Variants in CACNA1A observed in about 807,000 individuals in gnomAD.
CACNA1A encodes the protein voltage-dependent P/Q-type calcium channel subunit alpha-1A.
Under a neutral mutation model 262.4 loss-of-function variants are expected in CACNA1A, and 57 were observed. That is an observed-to-expected ratio of 0.22 (90% CI 0.18 to 0.27). The LOEUF (loss-of-function observed/expected upper bound fraction) is 0.27. Among genes scored for constraint, CACNA1A ranks in the 10% least tolerant of loss-of-function variants. CACNA1A has a pLI of 1.00. For missense variants in CACNA1A, 2,526 were observed against 3,562.8 expected (o/e 0.71, Z 7.41); for synonymous variants, 1,431 against 1,419.3 (o/e 1.01, Z -0.18).
intron 40 of CACNA1A, among the ~76,000 whole-genome samples, chr19:13,213,218 C>T (rs1002052831): frequency 2.6e-5 from 4 of 152,162 alleles, no homozygotes; most frequent in Admixed American, 6.6e-5. Flanking sequence ...TTTGCTGTTA[C>T]CCAAACAACC....
intron 24 of CACNA1A, among the ~76,000 whole-genome samples, chr19:13,266,979 T>C (rs756557023): frequency 2.0e-5 from 3 of 152,150 alleles, no homozygotes; most frequent in Non-Finnish European, 4.4e-5. Flanking sequence ...GGCGGAGGCA[T>C]TGGCAAGACC....
chr19:13,460,836 C>G (rs58955528), intron 1 of CACNA1A, among the ~76,000 whole-genome samples: 1 of 151,568 alleles, frequency 6.6e-6, no homozygotes, highest in African/African-American at 2.4e-5. Context: ...AAGGTCACAT[C>G]CATCAACCCC....
At chr19:13,288,303 G>A (rs2057454382) in intron 19 of CACNA1A, among the ~76,000 whole-genome samples, 1 of 151,530 alleles carries the variant, frequency 6.6e-6, no homozygotes, top group Non-Finnish European at 1.5e-5. Flanking sequence ...GCAGTGGCAG[G>A]ATCTTGGCTC....
At chr19:13,462,959 C>T (rs1475976570) in intron 1 of CACNA1A, among the ~76,000 whole-genome samples, 3 of 151,964 alleles carry the variant, frequency 2.0e-5, no homozygotes, top group South Asian at 4.2e-4. Context: ...GAGGGTCTCA[C>T]CATGTTGCCT....
At position 13,208,966 on chromosome 19, in the gene CACNA1A, C is replaced by G. The variant is rs1279441391; in HGVS notation, c.6570G>C (p.Leu2190=). ...DLSMTTQSGD[L]PSKERDQERG... Reference sequence around the variant, plus strand: ...GCTCCTGGTCCCGCTCCTTCGACGGCAGGTCCCCGGATTGGGTGGTCATGC... The same window carrying G: ...GCTCCTGGTCCCGCTCCTTCGACGGGAGGTCCCCGGATTGGGTGGTCATGC... Residue 2190 remains leucine (L), a synonymous_variant, in exon 46 of 47, where the codon CTG becomes CTC. Coordinates refer to ENST00000360228, the MANE Select transcript of CACNA1A (RefSeq NM_001127222.2). 1 of 1,537,552 alleles carries G rather than the reference C, an allele frequency of 6.5e-7. No homozygotes were observed. Among genetic ancestry groups the G allele is most frequent in the Admixed American group, 2.0e-5 (1 of 51,000 alleles).
In CACNA1A at chr19:13,310,481, A is replaced by T. The variant is rs1239439921; in HGVS notation, c.1669-1953T>A. 3.4e-3 allele frequency among the ~76,000 whole-genome samples: 110 copies of T among 32,348 alleles called. 2 individuals are homozygous for T. Among genetic ancestry groups the T allele is most frequent in the African/African-American group, 0.014 (96 of 6,762 alleles). 21.2% of individuals were successfully genotyped at this position (32,348 alleles called of 152,430 possible). A position where few individuals can be genotyped will look rare whatever the true frequency, so the allele number is the denominator to read the frequency against. The stretch of plus-strand genomic sequence containing the variant: ...AAAAAAAAAAAAAAAAAAAAAAAAA[A>T]AAAAAAAAATATATATATATATATA... On this transcript the variant is annotated intron_variant, in intron 12 of 46. Coordinates refer to ENST00000360228, the MANE Select transcript of CACNA1A (RefSeq NM_001127222.2).
intron 38 of CACNA1A, among the ~76,000 whole-genome samples, chr19:13,221,675 T>G (rs147804376): frequency 0.01 from 1,593 of 152,238 alleles, 32 homozygotes; most frequent in African/African-American, 0.036. Context: ...CTGGTCAAAG[T>G]GACCATGATG....
intron 1 of CACNA1A, among the ~76,000 whole-genome samples, chr19:13,461,016 G>A (rs1255538769): frequency 6.6e-6 from 1 of 152,052 alleles, no homozygotes; most frequent in Non-Finnish European, 1.5e-5. Flanking sequence ...GCCCAGGAGA[G>A]CATTCTCTAT....
In CACNA1A at chr19:13,322,166, C is replaced by T. The variant is rs148037325; in HGVS notation, c.1346-4845G>A. On this transcript the variant is annotated intron_variant, in intron 10 of 46. Coordinates refer to ENST00000360228, the MANE Select transcript of CACNA1A (RefSeq NM_001127222.2). The stretch of plus-strand genomic sequence containing the variant: ...GTAGTGAGCTGTGATCGTGCCATTG[C>T]ACTCCAGCCTGGGTGATGGAGTGAG... Among the ~76,000 whole-genome samples the T allele has an allele frequency of 3.1e-3, 443 of 144,176 alleles. 1 individual carries two copies. The highest frequency in any genetic ancestry group is 0.015 in the Middle Eastern group (4 of 268). The allele number at this position is 144,176 out of a possible 152,430, so 94.6% of individuals were successfully genotyped here.
chr19:13,415,258 G>A (rs2060200458), intron 3 of CACNA1A, among the ~76,000 whole-genome samples: 1 of 151,828 alleles, frequency 6.6e-6, no homozygotes, highest in Non-Finnish European at 1.5e-5. Flanking sequence ...AGGTGGTGCC[G>A]ACAAGGAAAC....
At chr19:13,449,006 G>A (rs983223588) in intron 3 of CACNA1A, among the ~76,000 whole-genome samples, 1 of 150,076 alleles carries the variant, frequency 6.7e-6, no homozygotes, top group African/African-American at 2.5e-5. Context: ...TTACTTTGTT[G>A]CCCAGCCTGG....
intron 1 of CACNA1A, among the ~76,000 whole-genome samples, chr19:13,457,043 A>G (rs982299012): frequency 6.6e-5 from 10 of 152,264 alleles, no homozygotes; most frequent in Admixed American, 1.3e-4. Flanking sequence ...TGAGCACAGG[A>G]GTCCGAGACC....
intron 8 of CACNA1A, 86 bp downstream of exon 8, chr19:13,334,292 C>A (rs1406682700): frequency 3.8e-6 from 3 of 795,352 alleles, no homozygotes; most frequent in Non-Finnish European, 2.2e-6. Flanking sequence ...ACCCTCCCAG[C>A]TTAGCCTTCT....
chr19:13,504,799 C>G (rs896027346), intron 1 of CACNA1A, among the ~76,000 whole-genome samples: 1 of 152,024 alleles, frequency 6.6e-6, no homozygotes, highest in Non-Finnish European at 1.5e-5. Flanking sequence ...CTAGAAAGCC[C>G]GACTAATTAC....
chr19:13,327,243 G>A (rs1315328633), intron 10 of CACNA1A, among the ~76,000 whole-genome samples: 1 of 152,018 alleles, frequency 6.6e-6, no homozygotes, highest in Non-Finnish European at 1.5e-5. Context: ...CAGAATCCTG[G>A]AATTCCAGAG....
intron 3 of CACNA1A, among the ~76,000 whole-genome samples, chr19:13,386,869 C>T (rs868154443): frequency 4.6e-5 from 7 of 152,012 alleles, no homozygotes; most frequent in East Asian, 3.9e-4. Flanking sequence ...CTTACAGTGA[C>T]GATGTTAGAG....
intron 3 of CACNA1A, among the ~76,000 whole-genome samples, chr19:13,430,692 C>T (rs957001131): frequency 1.3e-5 from 2 of 152,168 alleles, no homozygotes; most frequent in African/African-American, 2.4e-5. Flanking sequence ...GTGAACAAAA[C>T]AGACAGAAGT....
chr19:13,404,337 G>C (rs1041404862), intron 3 of CACNA1A, among the ~76,000 whole-genome samples: 2 of 152,162 alleles, frequency 1.3e-5, no homozygotes, highest in African/African-American at 4.8e-5. Context: ...ACTGTATTCA[G>C]CCTCATGCCA....
At chr19:13,484,033 G>A (rs1358114932) in intron 1 of CACNA1A, among the ~76,000 whole-genome samples, 1 of 152,128 alleles carries the variant, frequency 6.6e-6, no homozygotes, top group African/African-American at 2.4e-5. Flanking sequence ...AGTATGTTTG[G>A]GGATTGGGTG....
Sources: gnomAD v4.1 joint callset for allele counts (sites outside exome capture counted in the v4.1 genomes callset) on GRCh38, gnomAD v4.1.1 for gene constraint, MANE v1.5 for transcripts, NCBI Gene and HGNC (gene_info 2026-07-23, HGNC 2026-07-21) for gene names.